The following KIAA1210 variants were observed in gnomAD, a reference collection of about 807,000 sequenced individuals.
KIAA1210 encodes the protein KIAA1210, also known as acrosomal protein KIAA1210.
Under a neutral mutation model 78.9 loss-of-function variants are expected in KIAA1210, and 48 were observed. That is an observed-to-expected ratio of 0.61 (90% confidence interval 0.48 to 0.77). The LOEUF (loss-of-function observed/expected upper bound fraction) is 0.77. KIAA1210 is among the 30% of genes least tolerant of loss of function. The pLI, the probability that KIAA1210 is intolerant of heterozygous loss-of-function variation, is 0.00. For synonymous variants in KIAA1210, 406 were observed against 404.5 expected (o/e 1.00, Z -0.04); for missense variants, 1,108 against 1,100.0 (o/e 1.01, Z -0.10).
At position 119,127,276 on chromosome X, in the gene KIAA1210, G is replaced by A. The variant is rs746303075; in HGVS notation, c.-11+451C>T. The stretch of plus-strand genomic sequence containing the variant: ...AAAAAAGCCCGTTAACCACAATGTG[G>A]GGCCATGGTAGGCTAACATTGTCAT... On this transcript the variant is annotated intron_variant, in intron 1 of 11. Coordinates refer to ENST00000691062, the MANE Select transcript of KIAA1210 (RefSeq NM_001394962.1). Among the ~76,000 whole-genome samples the A allele has an allele frequency of 4.6e-5, 5 of 108,988 alleles. No homozygotes were observed. The South Asian group carries it at 2.1e-3, about 45-fold the overall frequency. 94.6% of individuals were successfully genotyped at this position (108,988 alleles called of 115,157 possible).
Position 119,087,377 on chromosome X carries a change from A to G in KIAA1210, c.3325T>C (p.Cys1109Arg), listed in dbSNP as rs761410121. The part of the protein sequence containing the change: ...FSYSERAPGK[C>R]SSFKEQLSPR... The stretch of plus-strand genomic sequence containing the variant: ...GACAGCTGCTCTTTAAAACTGCTGC[A>G]CTTCCCAGGAGCTCTCTCTGAATAA... The change falls in exon 9 of 12, where the codon TGC becomes CGC. Residue 1109 changes from cysteine (C) to arginine (R), a missense_variant. Cys to Arg is a radical substitution (Grantham distance 180). This residue lies in a region of KIAA1210 where 179 missense variants were observed against 174.1 expected (regional missense o/e 1.03). Transcript: ENST00000691062. 3.3e-6 allele frequency: 4 copies of G among 1,211,462 alleles called. No homozygotes were observed. Among genetic ancestry groups the G allele is most frequent in the Non-Finnish European group, 3.4e-6 (3 of 895,307 alleles).
chrX:119,085,593 GTC>G (rs1927107052), intron 9 of KIAA1210, 47 bp from the exon 10 acceptor site: 1 of 1,121,198 alleles, frequency 8.9e-7, no homozygotes, highest in Admixed American at 2.4e-5. Flanking sequence ...GGCAGGCAGG[GTC>G]TTGAGCCTGG....
chrX:119,145,361 A>G (rs1929142575), intron 2 of KIAA1210, among the ~76,000 whole-genome samples: 2 of 111,112 alleles, frequency 1.8e-5, no homozygotes, highest in Admixed American at 1.9e-4. Context: ...AGATGTCAGT[A>G]GCATACCTTG....
chrX:119,126,954 G>A (rs1928664422), intron 1 of KIAA1210, among the ~76,000 whole-genome samples: 1 of 111,198 alleles, frequency 9.0e-6, no homozygotes, highest in African/African-American at 3.3e-5. Flanking sequence ...CATGCCTGTA[G>A]TCCCAGCTAC....
Position 119,096,686 on chromosome X carries a change from G to C in KIAA1210, c.654C>G (p.Phe218Leu). 1 of 1,194,463 alleles carries C rather than the reference G, an allele frequency of 8.4e-7. No individual in the cohort carries two copies. Among genetic ancestry groups the C allele is most frequent in the African/African-American group, 1.7e-5 (1 of 57,441 alleles). ...PHKSLTATQS[F>L]SELSSGPDCS... ...AATCAGGTCCAGATGATAACTCAGA[G>C]AAGCTCTGGGGAAGGTGGGAGAAAA... is the stretch of plus-strand genomic sequence containing the variant. Residue 218 changes from phenylalanine (F) to leucine (L), a missense_variant, in exon 7 of 12, where the codon TTC becomes TTG. Phe to Leu is a conservative substitution (Grantham distance 22, BLOSUM62 0). Around this residue, in one of 5 missense-constraint regions of KIAA1210, gnomAD observed 672 missense variants for 607.1 expected, o/e 1.11. Transcript: ENST00000691062.
chrX:119,089,308 A>G lies in KIAA1210; in HGVS notation c.1394T>C (p.Met465Thr), dbSNP rs1256359667. The stretch of plus-strand genomic sequence containing the variant: ...TGGATCACTAACCATGGAATTGTCC[A>G]TGTTTTCAGGTATGGGCTGTGCTGC... ...ASAAQPIPEN[M>T]DNSMVSDPQP... The change falls in exon 9 of 12, where the codon ATG becomes ACG. Residue 465 changes from methionine (M) to threonine (T), a missense_variant. Physicochemically the swap from Met to Thr is moderately conservative, Grantham distance 81. This residue lies in a region of KIAA1210 where 672 missense variants were observed against 607.1 expected (regional missense o/e 1.11). Coordinates refer to ENST00000691062, the MANE Select transcript of KIAA1210 (RefSeq NM_001394962.1). 8.3e-7 allele frequency: 1 copy of G among 1,211,474 alleles called. No individual in the cohort carries two copies. The highest frequency in any genetic ancestry group is 1.8e-5 in the South Asian group (1 of 56,937).
intron 6 of KIAA1210, among the ~76,000 whole-genome samples, chrX:119,100,279 G>A (rs1927694417): frequency 2.1e-5 from 2 of 95,677 alleles, no homozygotes; most frequent in African/African-American, 4.0e-5. Context: ...GCAGTGAGCC[G>A]AAATTGTGCC....
intron 6 of KIAA1210, among the ~76,000 whole-genome samples, chrX:119,098,631 C>A (rs965584481): frequency 9.4e-6 from 1 of 106,197 alleles, no homozygotes; most frequent in South Asian, 4.1e-4. Context: ...AAAAAAGGCA[C>A]CTTTTCAGTG....
chrX:119,125,538 G>T (rs751322361), intron 1 of KIAA1210, among the ~76,000 whole-genome samples: 51 of 102,676 alleles, frequency 5.0e-4, no homozygotes, highest in African/African-American at 1.8e-3. Flanking sequence ...CAAACTTTTA[G>T]AAATCAATGC....
intron 1 of KIAA1210, among the ~76,000 whole-genome samples, chrX:119,124,818 G>A (rs1473292016): frequency 9.1e-6 from 1 of 109,792 alleles, no homozygotes; most frequent in Non-Finnish European, 1.9e-5. Context: ...GAACCCAGGA[G>A]ATTGAGGCCG....
intron 6 of KIAA1210, among the ~76,000 whole-genome samples, chrX:119,097,798 A>T (rs73592468): frequency 0.027 from 3,008 of 111,804 alleles, 126 homozygotes; most frequent in African/African-American, 0.093. Flanking sequence ...CAGACCATTC[A>T]GTTTTGGATT....
At chrX:119,120,056 C>T (rs111553078) in intron 2 of KIAA1210, among the ~76,000 whole-genome samples, 2 of 110,243 alleles carry the variant, frequency 1.8e-5, no homozygotes, top group African/African-American at 6.6e-5. Flanking sequence ...GCACTCCCAG[C>T]TACTCAGGAG....
chrX:119,096,456 A>G (rs775123155), intron 7 of KIAA1210, 38 bp downstream of exon 7: 1 of 1,126,639 alleles, frequency 8.9e-7, no homozygotes, highest in African/African-American at 1.8e-5. Flanking sequence ...ATCTTTTCTT[A>G]TACAGGAGTT....
rs140239816 is a variant in KIAA1210 at position 119,138,085 on chromosome X, G to A, written c.410+9388C>T. 4.5e-5 allele frequency among the ~76,000 whole-genome samples: 5 copies of A among 110,771 alleles called. No homozygotes were observed. In the East Asian group the frequency reaches 1.4e-3, roughly 31 times the overall value. ...TAGGAGGCCGTCAAGCTACAGAAGG[G>A]ACCAGAAGGTGCTTTTATGGGTGGC... On this transcript the variant is annotated intron_variant, in intron 2 of 13. Transcript: ENST00000402510.
chrX:119,140,892 C>A (rs1929034366), intron 2 of KIAA1210, among the ~76,000 whole-genome samples: 1 of 112,579 alleles, frequency 8.9e-6, no homozygotes, highest in South Asian at 3.7e-4. Context: ...CTGGACAACA[C>A]AGCAAGACCC....
rs1400388889 is a variant in KIAA1210, at chrX:119,096,509, C to A, written c.831G>T (p.Lys277Asn). 8.3e-7 allele frequency: 1 copy of A among 1,207,216 alleles called. No individual in the cohort carries two copies. Among genetic ancestry groups the A allele is most frequent in the Non-Finnish European group, 1.1e-6 (1 of 893,420 alleles). The change falls in exon 7 of 12, where the codon AAG (lysine) becomes AAT (asparagine). Residue 277 changes from lysine to asparagine, a missense_variant. Physicochemically the swap from Lys to Asn is moderately conservative, Grantham distance 94 (BLOSUM62 0). Coordinates refer to ENST00000691062, the MANE Select transcript of KIAA1210 (RefSeq NM_001394962.1). The stretch of plus-strand genomic sequence containing the variant: ...AAGGACTTACAATCACTTGAAGGTT[C>A]TTCTTTTGTTTGCGGGGATTTAAAG... ...KMTLNPRKQK[K>N]NLQVIVEPKE... is the part of the protein sequence containing the mutation.
upstream of KIAA1210, among the ~76,000 whole-genome samples, chrX:119,130,468 C>T (rs1928763122): frequency 8.9e-6 from 1 of 112,900 alleles, no homozygotes; most frequent in African/African-American, 3.2e-5. Context: ...TTGATATCAC[C>T]TTGAGAACAG....
chrX:119,134,774 C>T (rs1450855899), intron 2 of KIAA1210, among the ~76,000 whole-genome samples: 1 of 112,282 alleles, frequency 8.9e-6, no homozygotes, highest in Non-Finnish European at 1.9e-5. Context: ...AAGAACTTGG[C>T]CTAAAAGGTC....
intron 9 of KIAA1210, among the ~76,000 whole-genome samples, chrX:119,086,304 T>C (rs1441926830): frequency 9.0e-6 from 1 of 111,008 alleles, no homozygotes; most frequent in Admixed American, 9.6e-5. Context: ...GTGTCTACTA[T>C]GGAATGTAGA....
Sources: gnomAD v4.1 joint callset for allele counts (sites outside exome capture counted in the v4.1 genomes callset) on GRCh38, gnomAD v4.1.1 for gene constraint, gnomAD v4.1.1 regional missense constraint, MANE v1.5 for transcripts, NCBI Gene and HGNC (gene_info 2026-07-23, HGNC 2026-07-21) for gene names.